The following SPMIP2 variants were observed in gnomAD, a reference collection of about 807,000 sequenced individuals.
The protein encoded by SPMIP2 is protein SPMIP2.
chr4:158,980,881 G>T, the SPMIP2 span, among the ~76,000 whole-genome samples: 3 of 152,166 alleles, frequency 2.0e-5, no homozygotes, highest in South Asian at 6.2e-4. Flanking sequence ...ACAAAAGTAG[G>T]CCTCAAAGGG....
the SPMIP2 span, among the ~76,000 whole-genome samples, chr4:158,959,342 A>T: frequency 1.3e-5 from 2 of 152,354 alleles, no homozygotes; most frequent in South Asian, 4.1e-4. Flanking sequence ...AGAATATTTT[A>T]ATGAGAATAT....
At chr4:158,933,145 A>C in the SPMIP2 span, among the ~76,000 whole-genome samples, 1 of 152,302 alleles carries the variant, frequency 6.6e-6, no homozygotes, top group South Asian at 2.1e-4. Flanking sequence ...CTGGGATTAC[A>C]GGCACACACT....
chr4:158,957,511 C>G, the SPMIP2 span, among the ~76,000 whole-genome samples: 2 of 152,178 alleles, frequency 1.3e-5, no homozygotes, highest in Admixed American at 1.3e-4. Flanking sequence ...ACTGCAACCT[C>G]CATCTCCTGG....
the SPMIP2 span, among the ~76,000 whole-genome samples, chr4:159,017,708 C>T: frequency 6.6e-6 from 1 of 152,204 alleles, no homozygotes; most frequent in Non-Finnish European, 1.5e-5. Flanking sequence ...TAGGCCGCTT[C>T]ACAAGATAGT....
the SPMIP2 span, among the ~76,000 whole-genome samples, chr4:158,971,264 C>T: frequency 1.3e-5 from 2 of 152,148 alleles, no homozygotes; most frequent in Non-Finnish European, 2.9e-5. Flanking sequence ...AAGTTCTGGA[C>T]TTTATTCAAC....
At chr4:158,978,951 T>C in the SPMIP2 span, among the ~76,000 whole-genome samples, 6 of 152,304 alleles carry the variant, frequency 3.9e-5, no homozygotes, top group South Asian at 1.2e-3. Context: ...TGTTTAAGTC[T>C]GCTGAAGCTG....
At chr4:159,070,759 A>T in the SPMIP2 span, among the ~76,000 whole-genome samples, 1 of 152,226 alleles carries the variant, frequency 6.6e-6, no homozygotes, top group Non-Finnish European at 1.5e-5. Context: ...ACTTAAATGT[A>T]TGCAGACCCA....
the SPMIP2 span, chr4:158,973,445 T>C: frequency 8.5e-6 from 4 of 472,920 alleles, no homozygotes; most frequent in Non-Finnish European, 1.5e-5. Flanking sequence ...TATAAGCCTT[T>C]TAGACATGTT....
At chr4:158,943,537 A>G in the SPMIP2 span, among the ~76,000 whole-genome samples, 2 of 152,234 alleles carry the variant, frequency 1.3e-5, no homozygotes, top group Admixed American at 6.5e-5. Context: ...TAAAATGATT[A>G]AAACAGTAAA....
At chr4:159,040,439 G>C in the SPMIP2 span, among the ~76,000 whole-genome samples, 1 of 151,656 alleles carries the variant, frequency 6.6e-6, no homozygotes, top group Admixed American at 6.6e-5. Context: ...CCAAAGTGCT[G>C]GGATTACAGG....
chr4:158,922,843 C>A, the SPMIP2 span, among the ~76,000 whole-genome samples: 2 of 152,068 alleles, frequency 1.3e-5, no homozygotes, highest in Non-Finnish European at 2.9e-5. Flanking sequence ...CAAAATGTGG[C>A]CTTTTGTCTT....
the SPMIP2 span, among the ~76,000 whole-genome samples, chr4:158,994,573 C>A: frequency 6.6e-6 from 1 of 152,090 alleles, no homozygotes; most frequent in South Asian, 2.1e-4. Flanking sequence ...GGAAACCCAC[C>A]AAATAAATAA....
the SPMIP2 span, among the ~76,000 whole-genome samples, chr4:159,033,184 T>C: frequency 6.6e-6 from 1 of 151,442 alleles, no homozygotes; most frequent in Non-Finnish European, 1.5e-5. Flanking sequence ...GATGAGGAAA[T>C]GAAGCCAATC....
the SPMIP2 span, among the ~76,000 whole-genome samples, chr4:158,933,448 A>C: frequency 2.6e-5 from 4 of 152,100 alleles, no homozygotes; most frequent in Admixed American, 2.6e-4. Flanking sequence ...TAAAGGAAAA[A>C]TTGCCTTTTC....
the SPMIP2 span, among the ~76,000 whole-genome samples, chr4:158,930,679 TA>T: frequency 6.6e-6 from 1 of 151,860 alleles, no homozygotes; most frequent in Non-Finnish European, 1.5e-5. Flanking sequence ...TTTATTTGGA[TA>T]GAGATGAGAT....
At chr4:158,946,243 C>G in the SPMIP2 span, among the ~76,000 whole-genome samples, 1 of 152,216 alleles carries the variant, frequency 6.6e-6, no homozygotes, top group South Asian at 2.1e-4. Flanking sequence ...AATCACAGTA[C>G]AGTCTCTTGA....
At chr4:159,034,972 A>G in the SPMIP2 span, 13 of 1,191,414 alleles carry the variant, frequency 1.1e-5, no homozygotes, top group East Asian at 3.1e-4. Flanking sequence ...TAAAAATCAT[A>G]TATGTGAGAG....
the SPMIP2 span, chr4:158,908,058 C>T: frequency 6.6e-6 from 1 of 152,024 alleles, no homozygotes; most frequent in Admixed American, 6.6e-5. Context: ...GAACATTTTC[C>T]TGGTGCTGCA....
chr4:158,985,695 C>G, the SPMIP2 span, among the ~76,000 whole-genome samples: 1 of 152,000 alleles, frequency 6.6e-6, no homozygotes, highest in East Asian at 1.9e-4. Flanking sequence ...TGGGCAAAAG[C>G]TGGAAGCATT....
Sources: gnomAD v4.1 joint callset for allele counts (sites outside exome capture counted in the v4.1 genomes callset) on GRCh38, gnomAD v4.1.1 for gene constraint, MANE v1.5 for transcripts, NCBI Gene and HGNC (gene_info 2026-07-23, HGNC 2026-07-21) for gene names.